Variants in RARB observed in about 807,000 individuals in gnomAD.
RARB encodes retinoic acid receptor beta.
A neutral mutation model predicts 51.9 loss-of-function variants in RARB; 17 were observed. The ratio of observed to expected loss-of-function variants is 0.33; its 90% CI spans 0.22 to 0.49. The LOEUF (loss-of-function observed/expected upper bound fraction) is 0.49, where lower values mean the gene tolerates loss of function less well. Among genes scored for constraint, RARB ranks in the 20% least tolerant of loss-of-function variants. The probability of loss-of-function intolerance (pLI) is 0.99; values close to 1 mark genes in which losing one functional copy is unlikely to be tolerated. For synonymous variants in RARB, 215 were observed against 195.4 expected, an observed-to-expected ratio of 1.10 and a Z score of -0.84; for missense variants, 369 against 550.8, an observed-to-expected ratio of 0.67 and a Z score of 3.30.
intron 3 of RARB, among the ~76,000 whole-genome samples, chr3:25,111,590 T>TTG (rs1553634023): frequency 1.3e-5 from 2 of 149,690 alleles, no homozygotes; most frequent in Non-Finnish European, 3.0e-5. Flanking sequence ...GTGGTTTTTT[T>TTG]TTTTTTTTTT....
chr3:24,968,565 G>A (rs572676542), intron 2 of RARB, among the ~76,000 whole-genome samples: 2 of 152,176 alleles, frequency 1.3e-5, no homozygotes, highest in Admixed American at 1.3e-4. Context: ...CATTTGACAG[G>A]TGACCTGGAG....
At chr3:25,377,096 T>C (rs1160882661) in intron 5 of RARB, among the ~76,000 whole-genome samples, 1 of 152,242 alleles carries the variant, frequency 6.6e-6, no homozygotes, top group East Asian at 1.9e-4. Context: ...TTTTGCTTTT[T>C]CTATCACTGG....
At chr3:25,081,621 ATTTTTTT>A (rs1168828068) in intron 3 of RARB, among the ~76,000 whole-genome samples, 2 of 5,800 alleles carry the variant, frequency 3.4e-4, no homozygotes, top group African/African-American at 5.9e-4. Flanking sequence ...ATATATATAT[ATTTTTTT>A]TTTTTTTTTT....
At chr3:25,546,538 G>C (rs75341864) in intron 3 of RARB, among the ~76,000 whole-genome samples, 1,825 of 152,180 alleles carry the variant, frequency 0.012, 40 homozygotes, top group African/African-American at 0.042. Context: ...ATTGAATGGG[G>C]ATCAGAATGT....
chr3:25,217,411 C>T (rs937312323), intron 5 of RARB, among the ~76,000 whole-genome samples: 2 of 151,958 alleles, frequency 1.3e-5, no homozygotes, highest in Non-Finnish European at 2.9e-5. Flanking sequence ...TTTATGGTTA[C>T]ATTATAGCCA....
chr3:24,849,316 G>A (rs140042330), intron 1 of RARB, among the ~76,000 whole-genome samples: 66 of 152,260 alleles, frequency 4.3e-4, no homozygotes, highest in African/African-American at 1.4e-3. Context: ...TGCAGATAAG[G>A]GGGGAGCTAC....
At chr3:25,578,218 T>C (rs1701020774) in intron 4 of RARB, among the ~76,000 whole-genome samples, 2 of 152,232 alleles carry the variant, frequency 1.3e-5, no homozygotes, top group Non-Finnish European at 1.5e-5. Flanking sequence ...GAAGATAATA[T>C]ATAAGCCATT....
At chr3:24,845,796 T>G (rs1340512287) in intron 1 of RARB, among the ~76,000 whole-genome samples, 3 of 152,096 alleles carry the variant, frequency 2.0e-5, no homozygotes, top group Non-Finnish European at 1.5e-5. Flanking sequence ...AATCTTGGCA[T>G]GCCACATTTT....
At chr3:24,933,162 A>G (rs921402722) in intron 2 of RARB, among the ~76,000 whole-genome samples, 1 of 152,128 alleles carries the variant, frequency 6.6e-6, no homozygotes, top group South Asian at 2.1e-4. Flanking sequence ...TAAAAAAACA[A>G]TAAAAATATG....
In RARB at chr3:25,428,350, T is replaced by A. The variant is rs1335530527; in HGVS notation, c.-382T>A. On this transcript the variant is annotated 5_prime_UTR_variant, in exon 1 of 8. Coordinates refer to ENST00000330688, the MANE Select transcript of RARB (RefSeq NM_000965.5). ...GGGACCAGAATTCCCCCATGCGAGC[T>A]GTTTGAGGACTGGGATGCCGAGAAC... The A allele has an allele frequency of 4.8e-6, 6 of 1,242,878 alleles. No homozygotes were observed. In the African/African-American group the frequency reaches 7.7e-5, roughly 16 times the overall value. The allele number at this position is 1,242,878 out of a possible 1,614,324, so 77.0% of individuals were successfully genotyped here.
At chr3:25,124,647 T>A (rs1429183645) in intron 3 of RARB, among the ~76,000 whole-genome samples, 1 of 152,224 alleles carries the variant, frequency 6.6e-6, no homozygotes, top group Non-Finnish European at 1.5e-5. Flanking sequence ...AACCTTTGTC[T>A]TGCTCCTTGT....
At chr3:25,456,042 C>T (rs1230710713) in intron 1 of RARB, among the ~76,000 whole-genome samples, 4 of 152,176 alleles carry the variant, frequency 2.6e-5, no homozygotes, top group East Asian at 3.8e-4. Context: ...TGCCTGAGAT[C>T]GCTGAATGAG....
At chr3:25,465,792 C>T (rs1219037361) in intron 2 of RARB, among the ~76,000 whole-genome samples, 1 of 151,624 alleles carries the variant, frequency 6.6e-6, no homozygotes, top group South Asian at 2.1e-4. Context: ...GTGTGGTTAG[C>T]CAAGAATGTT....
intron 5 of RARB, among the ~76,000 whole-genome samples, chr3:25,354,664 C>T (rs1705678062): frequency 6.6e-6 from 1 of 152,092 alleles, no homozygotes; most frequent in Non-Finnish European, 1.5e-5. Context: ...GCTGTGCACC[C>T]CACTTAACTA....
At chr3:25,360,187 A>G (rs550293815) in intron 5 of RARB, among the ~76,000 whole-genome samples, 1 of 152,262 alleles carries the variant, frequency 6.6e-6, no homozygotes, top group Non-Finnish European at 1.5e-5. Flanking sequence ...TATTTAGGAG[A>G]GTTCGCTCTT....
chr3:25,256,648 C>G (rs1310974593), intron 5 of RARB, among the ~76,000 whole-genome samples: 1 of 151,974 alleles, frequency 6.6e-6, no homozygotes, highest in Admixed American at 6.6e-5. Context: ...GACCAAAACT[C>G]AAAGGACAGT....
intron 5 of RARB, among the ~76,000 whole-genome samples, chr3:25,344,122 A>G (rs1035398419): frequency 1.3e-5 from 2 of 152,146 alleles, no homozygotes; most frequent in Non-Finnish European, 2.9e-5. Context: ...CACTTCTCCA[A>G]ACTAATTGCC....
chr3:25,120,732 A>T (rs1280977585), intron 3 of RARB, among the ~76,000 whole-genome samples: 1 of 152,192 alleles, frequency 6.6e-6, no homozygotes, highest in African/African-American at 2.4e-5. Flanking sequence ...AATTCCATGA[A>T]GATGAATGAC....
intron 4 of RARB, among the ~76,000 whole-genome samples, chr3:25,571,308 G>A (rs1021413945): frequency 6.6e-6 from 1 of 152,238 alleles, no homozygotes; most frequent in Non-Finnish European, 1.5e-5. Flanking sequence ...AGGTTCTGGT[G>A]CAGCAGGCAT....
Sources: gnomAD v4.1 joint callset for allele counts (sites outside exome capture counted in the v4.1 genomes callset) on GRCh38, gnomAD v4.1.1 for gene constraint, MANE v1.5 for transcripts, NCBI Gene and HGNC (gene_info 2026-07-23, HGNC 2026-07-21) for gene names.